SHISA9: variants seen among roughly 807,000 people sequenced by gnomAD.
SHISA9 encodes the protein protein shisa-9.
SHISA9 carries 13 observed loss-of-function variants against 38.0 expected under a neutral mutation model. That is an observed-to-expected ratio of 0.34 (90% CI 0.22 to 0.54). The LOEUF is 0.54. SHISA9 is among the 20% of genes least tolerant of loss of function. The probability of loss-of-function intolerance (pLI) is 0.91; values close to 1 mark genes in which losing one functional copy is unlikely to be tolerated. For missense variants in SHISA9, 538 were observed against 575.8 expected, an observed-to-expected ratio of 0.93 and a Z score of 0.67; for synonymous variants, 275 against 242.0, an observed-to-expected ratio of 1.14 and a Z score of -1.27.
the SHISA9 span, among the ~76,000 whole-genome samples, chr16:13,371,876 G>C: frequency 6.6e-6 from 1 of 152,190 alleles, no homozygotes; most frequent in Non-Finnish European, 1.5e-5. Flanking sequence ...TCCCCTTTCA[G>C]ATAATCAAGA....
intron 2 of SHISA9, among the ~76,000 whole-genome samples, chr16:12,955,163 C>G (rs1006979696): frequency 1.3e-5 from 2 of 152,058 alleles, no homozygotes; most frequent in African/African-American, 4.8e-5. Context: ...GGGATTGTCT[C>G]TGCTGTCCCT....
At chr16:13,065,803 A>G (rs1472120519) in intron 2 of SHISA9, among the ~76,000 whole-genome samples, 1 of 152,244 alleles carries the variant, frequency 6.6e-6, no homozygotes, top group African/African-American at 2.4e-5. Context: ...TCCGCTTGTC[A>G]GGATGACTCT....
chr16:13,323,265 G>A, the SHISA9 span, among the ~76,000 whole-genome samples: 4 of 152,106 alleles, frequency 2.6e-5, no homozygotes, highest in Admixed American at 2.6e-4. Flanking sequence ...ATGAAATATT[G>A]TGCTTGGTCT....
intron 2 of SHISA9, among the ~76,000 whole-genome samples, chr16:13,180,848 G>A (rs1453466410): frequency 6.6e-6 from 1 of 152,162 alleles, no homozygotes; most frequent in African/African-American, 2.4e-5. Flanking sequence ...ATTGATGTGG[G>A]GGACAGTCTC....
intron 2 of SHISA9, among the ~76,000 whole-genome samples, chr16:13,018,221 G>A (rs550730701): frequency 4.6e-5 from 7 of 152,260 alleles, no homozygotes; most frequent in African/African-American, 1.7e-4. Context: ...GGGTTTATTC[G>A]GCTACTGCTG....
At chr16:12,927,301 A>G (rs952793935) in intron 2 of SHISA9, among the ~76,000 whole-genome samples, 18 of 152,192 alleles carry the variant, frequency 1.2e-4, no homozygotes, top group Non-Finnish European at 1.3e-4. Flanking sequence ...TAATCTGAAT[A>G]TTTCATTAAA....
the SHISA9 span, among the ~76,000 whole-genome samples, chr16:13,435,325 A>G: frequency 6.6e-6 from 1 of 152,156 alleles, no homozygotes; most frequent in Non-Finnish European, 1.5e-5. Flanking sequence ...CTCTCCCCAC[A>G]AGGAATCTGA....
chr16:13,363,278 C>T, the SHISA9 span, among the ~76,000 whole-genome samples: 1 of 152,252 alleles, frequency 6.6e-6, no homozygotes, highest in African/African-American at 2.4e-5. Context: ...GTCTTCCCCT[C>T]TGGACTATAG....
At chr16:13,417,061 A>C in the SHISA9 span, among the ~76,000 whole-genome samples, 1 of 152,360 alleles carries the variant, frequency 6.6e-6, no homozygotes, top group Middle Eastern at 3.4e-3. Flanking sequence ...GCCACACAGA[A>C]AATCACAAGG....
chr16:13,049,591 A>G (rs536869810), intron 2 of SHISA9, among the ~76,000 whole-genome samples: 1 of 152,352 alleles, frequency 6.6e-6, no homozygotes, highest in East Asian at 1.9e-4. Flanking sequence ...GTGTTGTAAC[A>G]AAAACAAGAA....
At chr16:12,959,215 A>G (rs28490535) in intron 2 of SHISA9, among the ~76,000 whole-genome samples, 27,264 of 152,214 alleles carry the variant, frequency 0.18, 3,203 homozygotes, top group Middle Eastern at 0.32. Flanking sequence ...TACTGGATTA[A>G]TAATGAACCT....
chr16:12,981,684 T>A (rs1378731009), intron 2 of SHISA9, among the ~76,000 whole-genome samples: 1 of 152,198 alleles, frequency 6.6e-6, no homozygotes, highest in Non-Finnish European at 1.5e-5. Context: ...ACAATTCATA[T>A]GTTGAAGTCC....
At chr16:12,925,566 G>C (rs575447404) in intron 2 of SHISA9, among the ~76,000 whole-genome samples, 1 of 152,164 alleles carries the variant, frequency 6.6e-6, no homozygotes, top group African/African-American at 2.4e-5. Context: ...ACTAATGCTG[G>C]CCACATGGCA....
the SHISA9 span, among the ~76,000 whole-genome samples, chr16:13,419,004 T>C: frequency 6.6e-6 from 1 of 152,200 alleles, no homozygotes; most frequent in African/African-American, 2.4e-5. Context: ...GGAGGTTCTA[T>C]GTAAGTAGTT....
intron 2 of SHISA9, among the ~76,000 whole-genome samples, chr16:13,022,639 T>C (rs2072872500): frequency 6.6e-6 from 1 of 152,152 alleles, no homozygotes; most frequent in Non-Finnish European, 1.5e-5. Flanking sequence ...GCCTTAATTT[T>C]ATTTTTACAA....
chr16:13,321,716 G>C, the SHISA9 span, among the ~76,000 whole-genome samples: 1 of 152,182 alleles, frequency 6.6e-6, no homozygotes, highest in Non-Finnish European at 1.5e-5. Context: ...GTGTGTCGGT[G>C]TATGGCTGTG....
intron 2 of SHISA9, among the ~76,000 whole-genome samples, chr16:12,981,158 A>G (rs925430047): frequency 1.2e-4 from 18 of 152,192 alleles, no homozygotes; most frequent in African/African-American, 4.1e-4. Context: ...TGGATGCGCA[A>G]AGGCCAGAGC....
chr16:13,122,102 G>T (rs2050217163), intron 2 of SHISA9, among the ~76,000 whole-genome samples: 1 of 152,154 alleles, frequency 6.6e-6, no homozygotes, highest in African/African-American at 2.4e-5. Flanking sequence ...GTACTGGTCG[G>T]GGGATCTAGC....
At chr16:12,976,377 C>T (rs1596560420) in intron 2 of SHISA9, among the ~76,000 whole-genome samples, 1 of 152,142 alleles carries the variant, frequency 6.6e-6, no homozygotes, top group Non-Finnish European at 1.5e-5. Context: ...AGGCATGAGC[C>T]ACCATGCCTG....
Sources: gnomAD v4.1 joint callset for allele counts (sites outside exome capture counted in the v4.1 genomes callset) on GRCh38, gnomAD v4.1.1 for gene constraint, MANE v1.5 for transcripts, NCBI Gene and HGNC (gene_info 2026-07-23, HGNC 2026-07-21) for gene names.